EPHB1: variants seen among roughly 807,000 people sequenced by gnomAD.
The protein encoded by EPHB1 is EPH receptor B1.
Under a neutral mutation model 94.4 loss-of-function variants are expected in EPHB1, and 30 were observed. The observed-to-expected ratio is 0.32, with a 90% confidence interval of 0.24 to 0.43. The LOEUF (loss-of-function observed/expected upper bound fraction) is 0.43. Among genes scored for constraint, EPHB1 ranks in the 20% least tolerant of loss-of-function variants. EPHB1 has a pLI of 1.00. For synonymous variants in EPHB1, 522 were observed against 489.1 expected, an observed-to-expected ratio of 1.07 and a Z score of -0.89; for missense variants, 1,055 against 1,308.3, an observed-to-expected ratio of 0.81 and a Z score of 2.99.
At chr3:134,961,444 G>A (rs1933515055) in intron 3 of EPHB1, among the ~76,000 whole-genome samples, 1 of 152,164 alleles carries the variant, frequency 6.6e-6, no homozygotes, top group Non-Finnish European at 1.5e-5. Context: ...CTTCCTTGGG[G>A]TGGAACTTTT....
chr3:134,813,015 C>A (rs2036205523), intron 1 of EPHB1, among the ~76,000 whole-genome samples: 1 of 152,118 alleles, frequency 6.6e-6, no homozygotes, highest in South Asian at 2.1e-4. Context: ...TATTTCCAGA[C>A]AATTTGGGTT....
chr3:134,967,094 T>C (rs1553716142), intron 3 of EPHB1, among the ~76,000 whole-genome samples: 1 of 152,132 alleles, frequency 6.6e-6, no homozygotes, highest in Non-Finnish European at 1.5e-5. Context: ...GAGGGACACA[T>C]GGTGAAAAGA....
At chr3:134,872,362 T>C (rs1039234617) in intron 1 of EPHB1, among the ~76,000 whole-genome samples, 2 of 152,240 alleles carry the variant, frequency 1.3e-5, no homozygotes, top group Non-Finnish European at 1.5e-5. Flanking sequence ...TGAGCAGTCT[T>C]AATTCTCTTT....
At chr3:134,893,638 G>C (rs767693598) in intron 1 of EPHB1, among the ~76,000 whole-genome samples, 3 of 152,142 alleles carry the variant, frequency 2.0e-5, no homozygotes, top group Admixed American at 6.5e-5. Context: ...CCATCATCAG[G>C]CTCCTTCTGC....
intron 12 of EPHB1, among the ~76,000 whole-genome samples, chr3:135,217,632 A>G (rs867924219): frequency 1.3e-5 from 2 of 152,190 alleles, no homozygotes; most frequent in Admixed American, 1.3e-4. Context: ...AGGCACAAAC[A>G]TTCCGAGTAG....
At chr3:134,900,816 G>A (rs1183307445) in intron 1 of EPHB1, among the ~76,000 whole-genome samples, 1 of 152,162 alleles carries the variant, frequency 6.6e-6, no homozygotes, top group Non-Finnish European at 1.5e-5. Flanking sequence ...ATGTAGTTGT[G>A]AGAGGCACAT....
chr3:135,097,416 C>T (rs16842583), intron 3 of EPHB1, among the ~76,000 whole-genome samples: 1,550 of 152,240 alleles, frequency 0.01, 17 homozygotes, highest in African/African-American at 0.034. Context: ...GTCTTGGCTA[C>T]GCTCTGGGAA....
At chr3:134,914,492 C>G (rs1385400164) in intron 1 of EPHB1, among the ~76,000 whole-genome samples, 2 of 152,216 alleles carry the variant, frequency 1.3e-5, no homozygotes, top group East Asian at 3.8e-4. Context: ...CCAAGGCTAT[C>G]AGATCCAAGT....
chr3:135,080,303 T>G (rs1250792384), intron 3 of EPHB1, among the ~76,000 whole-genome samples: 3 of 152,022 alleles, frequency 2.0e-5, no homozygotes, highest in Non-Finnish European at 2.9e-5. Context: ...AAGGGCAAGA[T>G]TTCAGAAGGG....
At chr3:135,239,556 G>A (rs754302568) in intron 12 of EPHB1, among the ~76,000 whole-genome samples, 1 of 152,160 alleles carries the variant, frequency 6.6e-6, no homozygotes, top group Non-Finnish European at 1.5e-5. Flanking sequence ...GCATGAAAGG[G>A]TGAAATCCTG....
At chr3:135,164,992 AT>A (rs978398416) in intron 7 of EPHB1, among the ~76,000 whole-genome samples, 1 of 152,184 alleles carries the variant, frequency 6.6e-6, no homozygotes, top group Admixed American at 6.5e-5. Flanking sequence ...TTCAAATGTG[AT>A]TGGCAGTCCT....
chr3:134,848,891 C>T (rs1485521550), intron 1 of EPHB1, among the ~76,000 whole-genome samples: 1 of 152,216 alleles, frequency 6.6e-6, no homozygotes, highest in Admixed American at 6.5e-5. Context: ...AGAACCATGC[C>T]CAAAGGCCAG....
intron 3 of EPHB1, among the ~76,000 whole-genome samples, chr3:134,978,560 T>G (rs1403980868): frequency 6.6e-6 from 1 of 152,174 alleles, no homozygotes; most frequent in South Asian, 2.1e-4. Flanking sequence ...ACACACTCTT[T>G]CCTCTTCCTG....
At chr3:135,243,577 A>G (rs886517166) in intron 13 of EPHB1, among the ~76,000 whole-genome samples, 1 of 152,212 alleles carries the variant, frequency 6.6e-6, no homozygotes, top group Non-Finnish European at 1.5e-5. Context: ...CTTCATGCCC[A>G]TTCAGAAAGC....
intron 3 of EPHB1, among the ~76,000 whole-genome samples, chr3:135,067,267 G>A (rs1470135118): frequency 6.6e-6 from 1 of 152,130 alleles, no homozygotes; most frequent in Non-Finnish European, 1.5e-5. Flanking sequence ...AAGAGTACAT[G>A]CCCTTTGTCT....
At chr3:135,124,817 T>C (rs1408314312) in intron 4 of EPHB1, among the ~76,000 whole-genome samples, 1 of 151,552 alleles carries the variant, frequency 6.6e-6, no homozygotes, top group Non-Finnish European at 1.5e-5. Flanking sequence ...TCCCTGAGCT[T>C]TAATGCCCTC....
At chr3:135,049,346 T>C (rs1161795704) in intron 3 of EPHB1, among the ~76,000 whole-genome samples, 2 of 151,570 alleles carry the variant, frequency 1.3e-5, no homozygotes, top group Non-Finnish European at 2.9e-5. Context: ...CACTTCTTGC[T>C]CACCTTCTTT....
At chr3:134,974,584 C>T (rs562281858) in intron 3 of EPHB1, among the ~76,000 whole-genome samples, 3 of 151,138 alleles carry the variant, frequency 2.0e-5, no homozygotes, top group South Asian at 2.1e-4. Flanking sequence ...ACCTCTTCAA[C>T]GCCAACAGTT....
chr3:135,145,774 C>T (rs1413883458), intron 5 of EPHB1, among the ~76,000 whole-genome samples: 1 of 152,096 alleles, frequency 6.6e-6, no homozygotes, highest in African/African-American at 2.4e-5. Flanking sequence ...ATTCTATGTT[C>T]TTTGTGAGAT....
Sources: gnomAD v4.1 joint callset for allele counts (sites outside exome capture counted in the v4.1 genomes callset) on GRCh38, gnomAD v4.1.1 for gene constraint, MANE v1.5 for transcripts, NCBI Gene and HGNC (gene_info 2026-07-23, HGNC 2026-07-21) for gene names.